Variants in ZZZ3 observed in about 807,000 individuals in gnomAD.
ZZZ3 encodes ZZ-type zinc finger-containing protein 3.
In ZZZ3, 22 loss-of-function variants were observed where a neutral mutation model predicts 95.2. The ratio of observed to expected loss-of-function variants is 0.23; its 90% confidence interval spans 0.17 to 0.33. ZZZ3 has a LOEUF of 0.33. Among genes scored for constraint, ZZZ3 ranks in the 10% least tolerant of loss-of-function variants. The probability of loss-of-function intolerance (pLI) is 1.00; values close to 1 mark genes in which losing one functional copy is unlikely to be tolerated. For synonymous variants in ZZZ3, 335 were observed against 358.9 expected, an observed-to-expected ratio of 0.93 and a Z score of 0.75; for missense variants, 885 against 1,066.5, an observed-to-expected ratio of 0.83 and a Z score of 2.37.
At chr1:77,634,561 A>G (rs1355160082) in intron 4 of ZZZ3, among the ~76,000 whole-genome samples, 1 of 152,220 alleles carries the variant, frequency 6.6e-6, no homozygotes, top group African/African-American at 2.4e-5. Flanking sequence ...AAGCCTCTGA[A>G]GCAAATACTT....
intron 5 of ZZZ3, among the ~76,000 whole-genome samples, chr1:77,596,564 A>G (rs1664230409): frequency 6.6e-6 from 1 of 152,128 alleles, no homozygotes; most frequent in African/African-American, 2.4e-5. Context: ...AAAGAATCTG[A>G]CTATATTACG....
chr1:77,615,758 GAAC>G (rs1019877260), intron 5 of ZZZ3, among the ~76,000 whole-genome samples: 2 of 152,108 alleles, frequency 1.3e-5, no homozygotes, highest in Non-Finnish European at 2.9e-5. Flanking sequence ...AATATATTTT[GAAC>G]AACAAGGATT....
intron 5 of ZZZ3, among the ~76,000 whole-genome samples, chr1:77,591,838 G>A (rs1663728028): frequency 2.6e-5 from 4 of 152,088 alleles, no homozygotes; most frequent in Admixed American, 2.6e-4. Flanking sequence ...TCAGAAGTAT[G>A]GACAAATCAG....
intron 5 of ZZZ3, among the ~76,000 whole-genome samples, chr1:77,626,773 C>CT (rs925653947): frequency 5.3e-5 from 8 of 152,164 alleles, no homozygotes; most frequent in African/African-American, 1.9e-4. Flanking sequence ...CCTTAGTAAT[C>CT]TTTGACTTTA....
chr1:77,626,730 G>T (rs766290606), intron 5 of ZZZ3, among the ~76,000 whole-genome samples: 2 of 152,154 alleles, frequency 1.3e-5, no homozygotes, highest in Non-Finnish European at 2.9e-5. Flanking sequence ...GCCTTTTCTG[G>T]TGAGTTGAGA....
At position 77,564,705 on chromosome 1, in the gene ZZZ3, A is replaced by C. The variant is rs1167219779; in HGVS notation, c.*935T>G. Reference sequence around the variant, plus strand: ...AGACTAAATTTAATCACTTGTTTAAATAGTAATAAAAATACAATCTTTTAT... The same window carrying C: ...AGACTAAATTTAATCACTTGTTTAACTAGTAATAAAAATACAATCTTTTAT... On this transcript the variant is annotated 3_prime_UTR_variant, in exon 15 of 15. Transcript: ENST00000370801. 2 of 152,678 alleles carry C rather than the reference A, an allele frequency of 1.3e-5. No individual in the cohort carries two copies. Among genetic ancestry groups the C allele is most frequent in the Non-Finnish European group, 2.9e-5 (2 of 68,028 alleles). The allele number at this position is 152,678 out of a possible 1,614,324, so 9.5% of individuals were successfully genotyped here. A position where few individuals can be genotyped will look rare whatever the true frequency, so the allele number is the denominator to read the frequency against.
At position 77,565,095 on chromosome 1, in the gene ZZZ3, A is replaced by G. The variant is rs1660707238; in HGVS notation, c.*545T>C. 1 of 152,674 alleles carries G rather than the reference A, an allele frequency of 6.5e-6. No homozygotes were observed. The allele number at this position is 152,674 out of a possible 1,614,324, so 9.5% of individuals were successfully genotyped here. ...ATTCATTGTGGTTAAAAGAAATTAG[A>G]TATCAATATGATTAAGCAGCTCCAA... On this transcript the variant is annotated 3_prime_UTR_variant, in exon 15 of 15. Coordinates refer to ENST00000370801, the MANE Select transcript of ZZZ3 (RefSeq NM_015534.6).
At chr1:77,600,756 A>G (rs17100791) in intron 5 of ZZZ3, among the ~76,000 whole-genome samples, 10,041 of 152,194 alleles carry the variant, frequency 0.066, 683 homozygotes, top group African/African-American at 0.17. Flanking sequence ...TTGGAGTGAA[A>G]AAAGAGTTGA....
chr1:77,585,689 C>T (rs1392536404), intron 5 of ZZZ3, among the ~76,000 whole-genome samples: 1 of 152,152 alleles, frequency 6.6e-6, no homozygotes, highest in East Asian at 1.9e-4. Context: ...AGCTAGTATG[C>T]AACATACTTC....
At chr1:77,670,760 C>CAA (rs369356150) in intron 1 of ZZZ3, among the ~76,000 whole-genome samples, 3 of 126,640 alleles carry the variant, frequency 2.4e-5, no homozygotes, top group Admixed American at 7.9e-5. Flanking sequence ...CAAAACAAAA[C>CAA]AAAAAAAAAA....
chr1:77,639,403 A>AGTC, intron 4 of ZZZ3, 46 bp downstream of exon 4: 1 of 1,442,960 alleles, frequency 6.9e-7, no homozygotes, highest in South Asian at 1.5e-5. Context: ...AAGAAGAAGA[A>AGTC]GTCAAACTAT....
intron 1 of ZZZ3, among the ~76,000 whole-genome samples, chr1:77,647,725 G>A (rs966792465): frequency 4.0e-5 from 6 of 151,846 alleles, no homozygotes; most frequent in Admixed American, 1.3e-4. Context: ...TTTAACAATC[G>A]GCTCTCATGA....
At chr1:77,631,769 T>G (rs1466203128) in intron 5 of ZZZ3, 81 bp downstream of exon 5, 10 of 1,188,336 alleles carry the variant, frequency 8.4e-6, no homozygotes, top group African/African-American at 1.5e-5. Context: ...TTGGCTGTAA[T>G]AAAAACACTA....
chr1:77,582,690 C>T (rs1000430454), intron 6 of ZZZ3, among the ~76,000 whole-genome samples: 2 of 148,540 alleles, frequency 1.3e-5, no homozygotes, highest in African/African-American at 5.0e-5. Flanking sequence ...TTTTTAAGTC[C>T]CAGACACTGA....
At chr1:77,607,919 CAA>C (rs552924354) in intron 5 of ZZZ3, among the ~76,000 whole-genome samples, 15 of 56,968 alleles carry the variant, frequency 2.6e-4, no homozygotes, top group Admixed American at 3.8e-4. Flanking sequence ...GACTCTGTCT[CAA>C]AAAAAAAAAA....
intron 1 of ZZZ3, among the ~76,000 whole-genome samples, chr1:77,660,353 C>A (rs1670672696): frequency 6.6e-6 from 1 of 152,152 alleles, no homozygotes; most frequent in Admixed American, 6.5e-5. Flanking sequence ...AAAACTGAAA[C>A]TCTACGCTCC....
At chr1:77,616,055 T>C (rs1241624775) in intron 5 of ZZZ3, among the ~76,000 whole-genome samples, 1 of 152,166 alleles carries the variant, frequency 6.6e-6, no homozygotes, top group Non-Finnish European at 1.5e-5. Flanking sequence ...GAGTTATTTT[T>C]ATCTAATAAT....
intron 5 of ZZZ3, among the ~76,000 whole-genome samples, chr1:77,591,365 T>C (rs1015476274): frequency 3.3e-5 from 5 of 152,142 alleles, no homozygotes; most frequent in African/African-American, 1.2e-4. Context: ...TTTCTTTCAT[T>C]ATAGATGGTG....
In ZZZ3 at chr1:77,639,581, T is replaced by C; in HGVS notation, c.-184A>G. 1.5e-6 allele frequency: 1 copy of C among 675,658 alleles called. No individual in the cohort carries two copies. The highest frequency in any genetic ancestry group is 4.6e-5 in the South Asian group (1 of 21,936). 41.9% of individuals were successfully genotyped at this position (675,658 alleles called of 1,614,324 possible). A position where few individuals can be genotyped will look rare whatever the true frequency, so the allele number is the denominator to read the frequency against. On this transcript the variant is annotated 5_prime_UTR_variant, in exon 4 of 15. Coordinates refer to ENST00000370801, the MANE Select transcript of ZZZ3 (RefSeq NM_015534.6). ...CTCTCTCAGCTTCAGCCATGAAGAA[T>C]ACTAGAACCTCCTAAATTTTTCTTT...
Sources: gnomAD v4.1 joint callset for allele counts (sites outside exome capture counted in the v4.1 genomes callset) on GRCh38, gnomAD v4.1.1 for gene constraint, MANE v1.5 for transcripts, NCBI Gene and HGNC (gene_info 2026-07-23, HGNC 2026-07-21) for gene names.